BICRAL: variants seen among roughly 807,000 people sequenced by gnomAD.
The protein encoded by BICRAL is BRD4-interacting chromatin-remodeling complex-associated protein-like.
BICRAL carries 8 observed loss-of-function variants against 91.8 expected under a neutral mutation model. The ratio of observed to expected loss-of-function variants is 0.09; its 90% CI spans 0.05 to 0.16. BICRAL has a LOEUF of 0.16. BICRAL is among the 10% of genes least tolerant of loss of function. The pLI, the probability that BICRAL is intolerant of heterozygous loss-of-function variation, is 1.00. For synonymous variants in BICRAL, 445 were observed against 491.1 expected, an observed-to-expected ratio of 0.91 and a Z score of 1.24; for missense variants, 1,038 against 1,310.9, an observed-to-expected ratio of 0.79 and a Z score of 3.21.
intron 1 of BICRAL, among the ~76,000 whole-genome samples, chr6:42,759,131 A>G (rs980207364): frequency 6.6e-6 from 1 of 152,208 alleles, no homozygotes; most frequent in African/African-American, 2.4e-5. Context: ...CTCATGGGCA[A>G]CCAGGGTTAT....
intron 1 of BICRAL, among the ~76,000 whole-genome samples, chr6:42,795,275 A>G (rs1480949378): frequency 2.0e-5 from 3 of 152,156 alleles, no homozygotes; most frequent in Non-Finnish European, 4.4e-5. Context: ...TACTAAAAAT[A>G]TAAAAATTAG....
Position 42,770,809 on chromosome 6 carries a change from G to T in BICRAL, c.-260-11030G>T, listed in dbSNP as rs956673086. ...GAGTTCAAGTGATTCTCCTGCCTCAGCCTACCGTGTAGCTGGGATTCCAGG... is the reference window on the plus strand; with the variant it reads ...GAGTTCAAGTGATTCTCCTGCCTCATCCTACCGTGTAGCTGGGATTCCAGG... On this transcript the variant is annotated intron_variant, in intron 1 of 14. Transcript: ENST00000614467. 1.3e-5 allele frequency among the ~76,000 whole-genome samples: 2 copies of T among 151,808 alleles called. 1 individual carries two copies. Among genetic ancestry groups the T allele is most frequent in the African/African-American group, 4.8e-5 (2 of 41,258 alleles).
rs1044764933 is a variant in BICRAL at position 42,847,204 on chromosome 6, C to A, written c.1840-4888C>A. Among the ~76,000 whole-genome samples, 4 of 151,948 alleles carry A rather than the reference C, an allele frequency of 2.6e-5. No homozygotes were observed. In the East Asian group the frequency reaches 7.8e-4, roughly 29 times the overall value. On this transcript the variant is annotated intron_variant, in intron 6 of 12. Coordinates refer to ENST00000314073, the MANE Select transcript of BICRAL (RefSeq NM_001393499.1). ...GGCAGAGGTTGCAGTGAGCTAAGAT[C>A]GTGCCACTACACTACAGCCAGGGCA...
At chr6:42,763,904 T>C (rs1362536823) in intron 1 of BICRAL, among the ~76,000 whole-genome samples, 1 of 135,622 alleles carries the variant, frequency 7.4e-6, no homozygotes, top group East Asian at 2.0e-4. Context: ...ATGCATTTAG[T>C]GCATTAAAAA....
At chr6:42,805,803 C>T (rs1433533736) in intron 1 of BICRAL, among the ~76,000 whole-genome samples, 5 of 152,030 alleles carry the variant, frequency 3.3e-5, no homozygotes, top group South Asian at 4.2e-4. Flanking sequence ...AGATTGAGAC[C>T]GTCCTGGCTA....
Position 42,817,148 on chromosome 6 carries a change from A to ATG in BICRAL, c.-5-4846_-5-4845dup, listed in dbSNP as rs35347910. Among the ~76,000 whole-genome samples, 1,373 of 148,372 alleles carry ATG rather than the reference A, an allele frequency of 9.3e-3. 10 individuals are homozygous for ATG. The highest frequency in any genetic ancestry group is 0.027 in the East Asian group (135 of 5,032). On this transcript the variant is annotated intron_variant, in intron 2 of 12. Transcript: ENST00000314073. Reference sequence around the variant, plus strand: ...ACATTTACACACACACATCATTTATATGTGTGTGTGTGTGTGTGTGTGTGT... The same window carrying ATG: ...ACATTTACACACACACATCATTTATATGTGTGTGTGTGTGTGTGTGTGTGTGT...
chr6:42,756,499 G>C (rs962154468), intron 1 of BICRAL, among the ~76,000 whole-genome samples: 1 of 152,054 alleles, frequency 6.6e-6, no homozygotes, highest in Admixed American at 6.6e-5. Context: ...CAGATCCCCA[G>C]CTCCTCCCTC....
chr6:42,857,751 T>G (rs1436058763), intron 10 of BICRAL, among the ~76,000 whole-genome samples: 3 of 148,326 alleles, frequency 2.0e-5, no homozygotes, highest in Non-Finnish European at 4.5e-5. Context: ...CTAGACACTC[T>G]ACACAGTGGT....
chr6:42,835,382 G>C (rs1038669273), intron 6 of BICRAL, among the ~76,000 whole-genome samples: 4 of 152,006 alleles, frequency 2.6e-5, no homozygotes, highest in Non-Finnish European at 4.4e-5. Flanking sequence ...ACCCACCTCA[G>C]CCTCCCAAAG....
At chr6:42,859,921 A>C (rs1765501068) in intron 10 of BICRAL, among the ~76,000 whole-genome samples, 1 of 152,178 alleles carries the variant, frequency 6.6e-6, no homozygotes, top group South Asian at 2.1e-4. Context: ...CTGGGATTAC[A>C]GGCATGAGCC....
intron 6 of BICRAL, among the ~76,000 whole-genome samples, chr6:42,843,109 C>T (rs982643053): frequency 1.3e-5 from 2 of 152,096 alleles, no homozygotes; most frequent in Non-Finnish European, 2.9e-5. Flanking sequence ...CCTGCCTCGG[C>T]CTCCCAAAGT....
intron 1 of BICRAL, among the ~76,000 whole-genome samples, chr6:42,764,134 C>T (rs1233844055): frequency 1.9e-4 from 29 of 149,224 alleles, no homozygotes; most frequent in African/African-American, 6.2e-4. Flanking sequence ...CCCAGCTACT[C>T]GGGAGGCTGA....
In BICRAL at chr6:42,852,819, C is replaced by T. The variant is rs573854051; in HGVS notation, c.1945+622C>T. Among the ~76,000 whole-genome samples, 10 of 151,640 alleles carry T rather than the reference C, an allele frequency of 6.6e-5. No homozygotes were observed. In the South Asian group the frequency reaches 1.7e-3, roughly 25 times the overall value. On this transcript the variant is annotated intron_variant, in intron 7 of 12. Transcript: ENST00000314073. ...CTTCTTAGAAACAATAAATTGAGGC[C>T]GGGCACGGTGGCTCACACCTGTAAT...
intron 6 of BICRAL, among the ~76,000 whole-genome samples, chr6:42,835,691 C>T (rs1764618096): frequency 6.6e-6 from 1 of 152,074 alleles, no homozygotes; most frequent in Non-Finnish European, 1.5e-5. Flanking sequence ...CCAGTACTTC[C>T]CAGCAAGCGA....
intron 9 of BICRAL, 22 bp downstream of exon 9, chr6:42,855,939 C>CA: frequency 5.0e-6 from 8 of 1,594,860 alleles, no homozygotes; most frequent in Non-Finnish European, 6.9e-6. Context: ...TCGGAAATGA[C>CA]AAATCAATTC....
upstream of BICRAL, among the ~76,000 whole-genome samples, chr6:42,780,798 G>A (rs990165420): frequency 1.8e-4 from 28 of 151,978 alleles, no homozygotes; most frequent in Non-Finnish European, 3.8e-4. Context: ...AGTGCAATGC[G>A]CGATCTCCGC....
chr6:42,822,113 T>C (rs772311824), intron 3 of BICRAL, 50 bp downstream of exon 3: 2 of 1,197,414 alleles, frequency 1.7e-6, no homozygotes, highest in Non-Finnish European at 2.5e-6. Context: ...TGAGGTTTGC[T>C]GAACACTAAG....
At chr6:42,747,813 T>A (rs1474040483) in intron 1 of BICRAL, among the ~76,000 whole-genome samples, 46 of 142,968 alleles carry the variant, frequency 3.2e-4, no homozygotes, top group African/African-American at 1.3e-3. Flanking sequence ...TTGTTTTTTT[T>A]TTTTTTTTTT....
chr6:42,846,023 A>G (rs569467798), intron 6 of BICRAL, among the ~76,000 whole-genome samples: 1 of 148,538 alleles, frequency 6.7e-6, no homozygotes, highest in East Asian at 2.0e-4. Flanking sequence ...GTGAGCCGAG[A>G]TACACTCAAG....
Sources: gnomAD v4.1 joint callset for allele counts (sites outside exome capture counted in the v4.1 genomes callset) on GRCh38, gnomAD v4.1.1 for gene constraint, MANE v1.5 for transcripts, NCBI Gene and HGNC (gene_info 2026-07-23, HGNC 2026-07-21) for gene names.